CD58: variants seen among roughly 807,000 people sequenced by gnomAD.
CD58 encodes the protein lymphocyte function-associated antigen 3.
CD58 carries 14 observed loss-of-function variants against 27.6 expected under a neutral mutation model. The ratio of observed to expected loss-of-function variants is 0.51; its 90% CI spans 0.34 to 0.79. The LOEUF is 0.79. Among genes scored for constraint, CD58 ranks in the 30% least tolerant of loss-of-function variants. The pLI is 0.02. For missense variants in CD58, 268 were observed against 301.7 expected, an observed-to-expected ratio of 0.89 and a Z score of 0.83; for synonymous variants, 117 against 103.8, an observed-to-expected ratio of 1.13 and a Z score of -0.77.
In CD58 at chr1:116,532,853, T is replaced by C; in HGVS notation, c.628+3112A>G. The C allele has an allele frequency of 1.6e-6, 1 of 628,076 alleles. No individual in the cohort carries two copies. Among genetic ancestry groups the C allele is most frequent in the South Asian group, 1.7e-5 (1 of 59,998 alleles). 38.9% of individuals were successfully genotyped at this position (628,076 alleles called of 1,614,324 possible). ...GGAGTAAGCGCTGTCGACGGGATTG[T>C]GCCGCATGCGGCAAAGACTGAGGCC... is the stretch of plus-strand genomic sequence containing the variant. On this transcript the variant is annotated intron_variant, in intron 3 of 5. Transcript: ENST00000369489. The surrounding 1 kb of genome is among the most constrained non-coding windows in gnomAD (Gnocchi z 5.1).
chr1:116,557,991 ACAAGCTAAT>A lies in CD58; in HGVS notation c.70+12903_70+12911del, dbSNP rs1658632819. ...GCCCAGCCAATGCCATACCTTAGAGACAAGCTAATCACTCTTCCGGGATTTGAAGGAAAG... is the reference window on the plus strand; with the variant it reads ...GCCCAGCCAATGCCATACCTTAGAGACACTCTTCCGGGATTTGAAGGAAAG... On this transcript the variant is annotated intron_variant, in intron 1 of 5. Transcript: ENST00000369489. This position sits in a 1 kb window ranked among gnomAD's most constrained non-coding sequence, Gnocchi z 5.2. Among the ~76,000 whole-genome samples, 3 of 152,026 alleles carry A rather than the reference ACAAGCTAAT, an allele frequency of 2.0e-5. No homozygotes were observed. In the South Asian group the frequency reaches 6.2e-4, roughly 32 times the overall value.
rs1195943994 is a variant in CD58 at position 116,570,953 on chromosome 1, G to T, written c.20C>A (p.Ala7Glu). 2.6e-6 allele frequency: 4 copies of T among 1,563,804 alleles called. No individual in the cohort carries two copies. In the African/African-American group the frequency reaches 5.4e-5, roughly 21 times the overall value. Residue 7 changes from alanine to glutamate, a missense_variant, in exon 1 of 6, where the codon GCG (alanine) becomes GAG (glutamate). Physicochemically the swap from Ala to Glu is moderately radical, Grantham distance 107 (BLOSUM62 -1). Transcript: ENST00000369489. The surrounding 1 kb of genome is among the most constrained non-coding windows in gnomAD (Gnocchi z 6.4). ...GCTGAGGACCCCCAGGGCCCGCCCC[G>T]CGTCGCTCCCAGCAACCATGGCTCG... MVAGSD[A>E]GRALGVLSVV...
chr1:116,533,640 T>G, intron 3 of CD58: 2 of 697,166 alleles, frequency 2.9e-6, no homozygotes, highest in Admixed American at 3.7e-5. Flanking sequence ...GCTCTTCAGC[T>G]GTTGCTGCTG....
At chr1:116,569,726 C>T (rs77760557) in intron 1 of CD58, among the ~76,000 whole-genome samples, 4 of 151,732 alleles carry the variant, frequency 2.6e-5, no homozygotes, top group African/African-American at 9.7e-5. Flanking sequence ...CTCAGCCTTC[C>T]GAGTAGCTGG....
intron 1 of CD58, among the ~76,000 whole-genome samples, chr1:116,548,715 G>T (rs535148028): frequency 6.6e-5 from 10 of 152,254 alleles, no homozygotes; most frequent in Admixed American, 1.3e-4. Flanking sequence ...TAATTGCCAT[G>T]TTGTTCAAGG....
In CD58 at chr1:116,522,809, C is replaced by A. The variant is rs550802423; in HGVS notation, c.629-826G>T. On this transcript the variant is annotated intron_variant, in intron 3 of 5. Transcript: ENST00000369489. The surrounding 1 kb of genome is among the most constrained non-coding windows in gnomAD (Gnocchi z 4.6). ...GAACTTGGCATTGTGTTTGGTAGGG[C>A]AATTCTGGCAGTTGTATATAATAAG... Among the ~76,000 whole-genome samples, 1 of 152,236 alleles carries A rather than the reference C, an allele frequency of 6.6e-6. No homozygotes were observed. The highest frequency in any genetic ancestry group is 2.1e-4 in the South Asian group (1 of 4,816).
intron 2 of CD58, among the ~76,000 whole-genome samples, chr1:116,537,612 T>C (rs535423048): frequency 2.0e-5 from 3 of 152,232 alleles, no homozygotes; most frequent in Non-Finnish European, 4.4e-5. Context: ...AAGTGCCTCC[T>C]ATTGGCTAAG....
chr1:116,529,168 T>A (rs1373654075), intron 3 of CD58, among the ~76,000 whole-genome samples: 1 of 152,224 alleles, frequency 6.6e-6, no homozygotes, highest in African/African-American at 2.4e-5. Flanking sequence ...TTCTCTTCTA[T>A]CCAGAATTTT....
At position 116,524,952 on chromosome 1, in the gene CD58, G is replaced by A. The variant is rs1260364995; in HGVS notation, c.629-2969C>T. Among the ~76,000 whole-genome samples the A allele has an allele frequency of 1.3e-5, 2 of 152,202 alleles. No homozygotes were observed. The highest frequency in any genetic ancestry group is 4.8e-5 in the African/African-American group (2 of 41,440). ...AGGTTCACAACAAAACTGAGCAGAAGTTACAGAAAGTTTGTACATACATCC... is the reference window on the plus strand; with the variant it reads ...AGGTTCACAACAAAACTGAGCAGAAATTACAGAAAGTTTGTACATACATCC... On this transcript the variant is annotated intron_variant, in intron 3 of 5. Coordinates refer to ENST00000369489, the MANE Select transcript of CD58 (RefSeq NM_001779.3). This position sits in a 1 kb window ranked among gnomAD's most constrained non-coding sequence, Gnocchi z 4.6.
rs1005029979 is a variant in CD58, at chr1:116,532,272, G to A, written c.628+3693C>T. Among the ~76,000 whole-genome samples, 4 of 152,208 alleles carry A rather than the reference G, an allele frequency of 2.6e-5. No individual in the cohort carries two copies. The highest frequency in any genetic ancestry group is 7.2e-5 in the African/African-American group (3 of 41,432). On this transcript the variant is annotated intron_variant, in intron 3 of 5. Transcript: ENST00000369489. This position sits in a 1 kb window ranked among gnomAD's most constrained non-coding sequence, Gnocchi z 5.1. ...CAAGGACGAGCGACAGCAAAAGGCC[G>A]CAGTCCTCACAGGCAAGAAGGGATA...
rs1167682667 is a variant in CD58, at chr1:116,528,552, T to C, written c.629-6569A>G. Among the ~76,000 whole-genome samples, 3 of 152,178 alleles carry C rather than the reference T, an allele frequency of 2.0e-5. No homozygotes were observed. Among genetic ancestry groups the C allele is most frequent in the Non-Finnish European group, 4.4e-5 (3 of 68,022 alleles). On this transcript the variant is annotated intron_variant, in intron 3 of 5. Transcript: ENST00000369489. This position sits in a 1 kb window ranked among gnomAD's most constrained non-coding sequence, Gnocchi z 4.4. Reference sequence around the variant, plus strand: ...CTTGGTCCATAAATGTGTACAACAGTTGGAAACTGGTACTCTAGAGAATAT... The same window carrying C: ...CTTGGTCCATAAATGTGTACAACAGCTGGAAACTGGTACTCTAGAGAATAT...
At position 116,536,226 on chromosome 1, in the gene CD58, ACTCTGG is replaced by A. The variant is rs1453375605; in HGVS notation, c.365-4_366del. ...CAAGTTAGTGTGGGAGATGGAAGAG[ACTCTGG>A]AAAAAAAAGTATAATATTTAGTACA... On this transcript the variant is annotated splice_acceptor_variant and splice_polypyrimidine_tract_variant and coding_sequence_variant and intron_variant, in exon 3 of 6. Coordinates refer to ENST00000369489, the MANE Select transcript of CD58 (RefSeq NM_001779.3). LOFTEE classifies it high-confidence loss of function. The surrounding 1 kb of genome is among the most constrained non-coding windows in gnomAD (Gnocchi z 5.4). 2 of 1,602,354 alleles carry A rather than the reference ACTCTGG, an allele frequency of 1.2e-6. No homozygotes were observed. Among genetic ancestry groups the A allele is most frequent in the South Asian group, 1.1e-5 (1 of 90,302 alleles).
At position 116,563,706 on chromosome 1, in the gene CD58, A is replaced by T. The variant is rs1226290388; in HGVS notation, c.70+7197T>A. 6.6e-6 allele frequency among the ~76,000 whole-genome samples: 1 copy of T among 152,098 alleles called. No homozygotes were observed. The highest frequency in any genetic ancestry group is 1.5e-5 in the Non-Finnish European group (1 of 68,010). On this transcript the variant is annotated intron_variant, in intron 1 of 5. Transcript: ENST00000369489. The surrounding 1 kb of genome is among the most constrained non-coding windows in gnomAD (Gnocchi z 4.1). ...CCTTTTAGCCATGGCTGGAGCTAAA[A>T]CAGCTGGCATGCAGGGCTCCATGTT...
rs1658687719 is a variant in CD58, at chr1:116,559,513, C to A, written c.70+11390G>T. The stretch of plus-strand genomic sequence containing the variant: ...CTGATCGATTCCACCCTTAGCCGGT[C>A]CCAGTTAGTGACTTCTCTTATTTCC... On this transcript the variant is annotated intron_variant, in intron 1 of 5. Coordinates refer to ENST00000369489, the MANE Select transcript of CD58 (RefSeq NM_001779.3). The surrounding 1 kb of genome is among the most constrained non-coding windows in gnomAD (Gnocchi z 4.4). 6.6e-6 allele frequency among the ~76,000 whole-genome samples: 1 copy of A among 152,170 alleles called. No homozygotes were observed. Among genetic ancestry groups the A allele is most frequent in the African/African-American group, 2.4e-5 (1 of 41,442 alleles).
chr1:116,521,741 A>T lies in CD58; in HGVS notation c.706+165T>A, dbSNP rs919758222. ...ACCTTGAGATAATGTGGATCTTTGG[A>T]GGAACCTAGCATGCTCAGCAGTCCC... On this transcript the variant is annotated intron_variant, in intron 4 of 5. Transcript: ENST00000369489. The surrounding 1 kb of genome is among the most constrained non-coding windows in gnomAD (Gnocchi z 5.6). 1.8e-6 allele frequency: 1 copy of T among 562,780 alleles called. No homozygotes were observed. Among genetic ancestry groups the T allele is most frequent in the Non-Finnish European group, 3.3e-6 (1 of 305,008 alleles). 34.9% of individuals were successfully genotyped at this position (562,780 alleles called of 1,614,324 possible). A position where few individuals can be genotyped will look rare whatever the true frequency, so the allele number is the denominator to read the frequency against.
intron 1 of CD58, among the ~76,000 whole-genome samples, chr1:116,547,519 C>T (rs1164992305): frequency 5.3e-5 from 8 of 151,620 alleles, no homozygotes; most frequent in East Asian, 1.9e-4. Context: ...TTAGTAAAGA[C>T]GGGGTTTCAC....
chr1:116,551,925 A>G (rs1658406147), intron 1 of CD58, among the ~76,000 whole-genome samples: 1 of 151,944 alleles, frequency 6.6e-6, no homozygotes, highest in Non-Finnish European at 1.5e-5. Context: ...TTTTTAGTAG[A>G]GACGGGGTTT....
In CD58 at chr1:116,541,841, T is replaced by C. The variant is rs1211161668; in HGVS notation, c.364+2470A>G. On this transcript the variant is annotated intron_variant, in intron 2 of 5. Transcript: ENST00000369489. This position sits in a 1 kb window ranked among gnomAD's most constrained non-coding sequence, Gnocchi z 5.3. ...TGAGATGATATTTAAAGCCCTGACA[T>C]GGGATGAGCTCACCCACTGGCTATG... Among the ~76,000 whole-genome samples, 1 of 152,126 alleles carries C rather than the reference T, an allele frequency of 6.6e-6. No homozygotes were observed. The highest frequency in any genetic ancestry group is 1.5e-5 in the Non-Finnish European group (1 of 68,034).
intron 3 of CD58, chr1:116,533,803 G>T: frequency 1.3e-6 from 1 of 751,104 alleles, no homozygotes. Flanking sequence ...CTGGTATAAT[G>T]CTGCATATTT....
Sources: allele counts gnomAD v4.1 joint callset (sites outside exome capture counted in the v4.1 genomes callset), GRCh38; gene constraint gnomAD v4.1.1; non-coding constraint Gnocchi (gnomAD v3.1); transcripts MANE v1.5; gene names NCBI Gene and HGNC (gene_info 2026-07-23, HGNC 2026-07-21).